MED12L: variants seen among roughly 807,000 people sequenced by gnomAD.
MED12L encodes mediator complex subunit 12L, also known as mediator of RNA polymerase II transcription subunit 12-like protein.
In MED12L, 60 loss-of-function variants were observed where a neutral mutation model predicts 281.3. The observed-to-expected ratio is 0.21, with a 90% CI of 0.17 to 0.26. The LOEUF (loss-of-function observed/expected upper bound fraction) is 0.26. Among genes scored for constraint, MED12L ranks in the 10% least tolerant of loss-of-function variants. MED12L has a pLI of 1.00. For missense variants in MED12L, 2,146 were observed against 2,680.9 expected (o/e 0.80, Z 4.41); for synonymous variants, 974 against 987.2 (o/e 0.99, Z 0.25).
chr3:151,300,258 A>G (rs777921918), intron 16 of MED12L: 2 of 677,298 alleles, frequency 3.0e-6, no homozygotes, highest in Middle Eastern at 2.4e-4. Flanking sequence ...AAAATACAAC[A>G]TTTTGGTCTT....
intron 39 of MED12L, among the ~76,000 whole-genome samples, chr3:151,398,000 T>G (rs1045377892): frequency 2.6e-5 from 4 of 152,162 alleles, no homozygotes; most frequent in Non-Finnish European, 5.9e-5. Flanking sequence ...GGTTACCCCC[T>G]TTTCTTATGA....
intron 42 of MED12L, among the ~76,000 whole-genome samples, chr3:151,413,868 G>A (rs1373887623): frequency 6.8e-6 from 1 of 146,486 alleles, no homozygotes; most frequent in Non-Finnish European, 1.5e-5. Context: ...TCTTCCCCTT[G>A]ATACATTTTT....
intron 11 of MED12L, among the ~76,000 whole-genome samples, chr3:151,172,758 G>A (rs1486754722): frequency 6.6e-6 from 1 of 152,230 alleles, no homozygotes; most frequent in Non-Finnish European, 1.5e-5. Flanking sequence ...AATGTGCATG[G>A]ATGGCTTTCT....
chr3:151,392,881 T>A (rs1008245315), intron 38 of MED12L, among the ~76,000 whole-genome samples: 3 of 152,224 alleles, frequency 2.0e-5, no homozygotes, highest in Non-Finnish European at 2.9e-5. Context: ...GGAAAATTTT[T>A]AAAAATTAGA....
intron 27 of MED12L, 40 bp downstream of exon 27, chr3:151,372,806 C>A (rs1281692044): frequency 5.2e-6 from 8 of 1,541,468 alleles, no homozygotes; most frequent in Non-Finnish European, 6.3e-6. Context: ...GAGTACGTAA[C>A]TCTTCTTTTG....
intron 16 of MED12L, among the ~76,000 whole-genome samples, chr3:151,302,906 G>A (rs542432638): frequency 6.6e-6 from 1 of 152,198 alleles, no homozygotes; most frequent in South Asian, 2.1e-4. Context: ...TTTCAATATC[G>A]AATGAGAGGT....
intron 5 of MED12L, among the ~76,000 whole-genome samples, chr3:151,154,330 C>T (rs1027404958): frequency 6.6e-6 from 1 of 151,842 alleles, no homozygotes; most frequent in Non-Finnish European, 1.5e-5. Flanking sequence ...TATTCAGCAA[C>T]GTTTTTAAAA....
intron 16 of MED12L, among the ~76,000 whole-genome samples, chr3:151,332,418 A>G (rs1438132229): frequency 6.6e-6 from 1 of 152,244 alleles, no homozygotes; most frequent in Non-Finnish European, 1.5e-5. Context: ...ATTCCATACA[A>G]GAGTAACTAA....
intron 16 of MED12L, among the ~76,000 whole-genome samples, chr3:151,240,978 G>A (rs1733955450): frequency 6.6e-6 from 1 of 152,206 alleles, no homozygotes; most frequent in African/African-American, 2.4e-5. Flanking sequence ...GGCAAGAATA[G>A]AAGGCCTTTT....
intron 11 of MED12L, among the ~76,000 whole-genome samples, chr3:151,171,727 G>A (rs1340682374): frequency 1.3e-5 from 2 of 152,198 alleles, no homozygotes; most frequent in African/African-American, 4.8e-5. Flanking sequence ...CCTCACCTGT[G>A]GCACAGAGTG....
At chr3:151,288,573 G>A (rs1238602334) in intron 16 of MED12L, among the ~76,000 whole-genome samples, 1 of 152,228 alleles carries the variant, frequency 6.6e-6, no homozygotes, top group Non-Finnish European at 1.5e-5. Context: ...CATGTTGAAT[G>A]AATGAATGAC....
chr3:151,213,733 A>T, intron 16 of MED12L: 3 of 1,614,200 alleles, frequency 1.9e-6, no homozygotes, highest in Non-Finnish European at 2.5e-6. Flanking sequence ...CACAATCCAG[A>T]AGATGGCCAC....
At chr3:151,345,034 T>C (rs1006838969) in intron 16 of MED12L, among the ~76,000 whole-genome samples, 3 of 152,252 alleles carry the variant, frequency 2.0e-5, no homozygotes, top group Non-Finnish European at 4.4e-5. Flanking sequence ...GAGACATATT[T>C]TAATTCGTGT....
At chr3:151,275,258 A>G (rs1741653766) in intron 16 of MED12L, among the ~76,000 whole-genome samples, 1 of 152,144 alleles carries the variant, frequency 6.6e-6, no homozygotes, top group Non-Finnish European at 1.5e-5. Context: ...GCTTTGGGCC[A>G]ACCTCAGAAG....
chr3:151,305,122 T>C (rs1038108925), intron 16 of MED12L, among the ~76,000 whole-genome samples: 1 of 152,234 alleles, frequency 6.6e-6, no homozygotes, highest in South Asian at 2.1e-4. Flanking sequence ...GTGCTTTTAC[T>C]ACAGTGGCTC....
intron 16 of MED12L, among the ~76,000 whole-genome samples, chr3:151,302,543 G>A (rs868827184): frequency 6.6e-6 from 1 of 152,120 alleles, no homozygotes; most frequent in African/African-American, 2.4e-5. Context: ...ATAAATGCCA[G>A]TTTCTGCTTC....
At chr3:151,267,097 T>C (rs1739985498) in intron 16 of MED12L, among the ~76,000 whole-genome samples, 1 of 152,240 alleles carries the variant, frequency 6.6e-6, no homozygotes, top group South Asian at 2.1e-4. Context: ...ATTTCTTGCG[T>C]GTTAGAACTC....
intron 11 of MED12L, among the ~76,000 whole-genome samples, chr3:151,175,944 A>G (rs1252937934): frequency 3.3e-5 from 5 of 152,216 alleles, no homozygotes; most frequent in Non-Finnish European, 5.9e-5. Flanking sequence ...CTGTTATTTG[A>G]AGGACCTTAT....
intron 5 of MED12L, among the ~76,000 whole-genome samples, chr3:151,141,432 A>T (rs779074073): frequency 7.9e-5 from 12 of 152,154 alleles, no homozygotes; most frequent in Non-Finnish European, 1.5e-4. Flanking sequence ...ATTGGGGTAG[A>T]TGCTGTGAAG....
Sources: gnomAD v4.1 joint callset for allele counts (sites outside exome capture counted in the v4.1 genomes callset) on GRCh38, gnomAD v4.1.1 for gene constraint, MANE v1.5 for transcripts, NCBI Gene and HGNC (gene_info 2026-07-23, HGNC 2026-07-21) for gene names.